AIG1: variants seen among roughly 807,000 people sequenced by gnomAD.
AIG1 encodes androgen induced 1.
In AIG1, 23 loss-of-function variants were observed where a neutral mutation model predicts 31.4. The observed-to-expected ratio is 0.73, with a 90% CI of 0.53 to 1.04. The LOEUF (loss-of-function observed/expected upper bound fraction) is 1.04, where lower values mean the gene tolerates loss of function less well. AIG1 is among the 50% of genes least tolerant of loss of function. The pLI, the probability that AIG1 is intolerant of heterozygous loss-of-function variation, is 0.00. For synonymous variants in AIG1, 100 were observed against 110.5 expected, an observed-to-expected ratio of 0.90 and a Z score of 0.60; for missense variants, 274 against 295.0, an observed-to-expected ratio of 0.93 and a Z score of 0.52.
intron 3 of AIG1, among the ~76,000 whole-genome samples, chr6:143,244,301 A>C (rs1794459651): frequency 6.6e-6 from 1 of 152,136 alleles, no homozygotes. Context: ...AATGGCATGG[A>C]CTTTGCAGGT....
chr6:143,140,003 G>C (rs554084220), intron 2 of AIG1, among the ~76,000 whole-genome samples: 8 of 152,280 alleles, frequency 5.3e-5, no homozygotes, highest in Admixed American at 3.9e-4. Flanking sequence ...CCCGAGACTT[G>C]AGTAATTTAT....
At chr6:143,109,334 G>A (rs764611569) in intron 1 of AIG1, among the ~76,000 whole-genome samples, 1 of 152,052 alleles carries the variant, frequency 6.6e-6, no homozygotes. Context: ...TTCTATGAAC[G>A]TGCTTATACA....
At chr6:143,182,023 C>CT (rs1433888345) in intron 3 of AIG1, among the ~76,000 whole-genome samples, 3 of 149,184 alleles carry the variant, frequency 2.0e-5, no homozygotes, top group African/African-American at 5.0e-5. Flanking sequence ...CTTTTTTTTT[C>CT]TTTTTTTTCT....
intron 3 of AIG1, chr6:143,190,489 C>A (rs1789692527): frequency 2.0e-6 from 2 of 985,178 alleles, no homozygotes; most frequent in Non-Finnish European, 2.4e-6. Flanking sequence ...CAGACAATAT[C>A]TTCACTTTTA....
At position 143,328,995 on chromosome 6, in the gene AIG1, A is replaced by G. The variant is rs566075183; in HGVS notation, c.516-4287A>G. On this transcript the variant is annotated intron_variant, in intron 4 of 5. Coordinates refer to ENST00000357847, the MANE Select transcript of AIG1 (RefSeq NM_016108.4). This position sits in a 1 kb window ranked among gnomAD's most constrained non-coding sequence, Gnocchi z 4.0. Reference sequence around the variant, plus strand: ...ACTCTCCAGATAGATGGGCAAGGCCATGAGTCATCTTTGTGCAGAGAATTG... The same window carrying G: ...ACTCTCCAGATAGATGGGCAAGGCCGTGAGTCATCTTTGTGCAGAGAATTG... 8.5e-5 allele frequency among the ~76,000 whole-genome samples: 13 copies of G among 152,362 alleles called. No homozygotes were observed. The East Asian group carries it at 2.1e-3, about 25-fold the overall frequency.
intron 3 of AIG1, among the ~76,000 whole-genome samples, chr6:143,176,032 G>A (rs1788119924): frequency 6.6e-6 from 1 of 152,190 alleles, no homozygotes; most frequent in Non-Finnish European, 1.5e-5. Context: ...CTTCCCCTAA[G>A]GAGGGGGCTT....
chr6:143,313,105 C>T lies in AIG1; in HGVS notation c.516-20177C>T, dbSNP rs551365016. 4.6e-5 allele frequency among the ~76,000 whole-genome samples: 7 copies of T among 152,034 alleles called. No homozygotes were observed. In the East Asian group the frequency reaches 7.7e-4, roughly 17 times the overall value. ...AAGGGAACCCTTGTCCACTGTTGGTCGGAATGTAAATTAGTACAGCCACTA... is the reference window on the plus strand; with the variant it reads ...AAGGGAACCCTTGTCCACTGTTGGTTGGAATGTAAATTAGTACAGCCACTA... On this transcript the variant is annotated intron_variant, in intron 4 of 5. Coordinates refer to ENST00000357847, the MANE Select transcript of AIG1 (RefSeq NM_016108.4).
At chr6:143,130,105 A>G (rs1783077242) in intron 1 of AIG1, among the ~76,000 whole-genome samples, 1 of 151,614 alleles carries the variant, frequency 6.6e-6, no homozygotes, top group Non-Finnish European at 1.5e-5. Context: ...TAATTTTTGC[A>G]CTTTTAATAG....
intron 1 of AIG1, among the ~76,000 whole-genome samples, chr6:143,128,404 T>TTTG (rs145906548): frequency 0.022 from 3,284 of 152,200 alleles, 105 homozygotes; most frequent in African/African-American, 0.064. Context: ...TCCTGGGATT[T>TTTG]TTGTTGTTGT....
In AIG1 at chr6:143,293,328, G is replaced by C. The variant is rs1297642259; in HGVS notation, c.515+9103G>C. Among the ~76,000 whole-genome samples the C allele has an allele frequency of 6.6e-6, 1 of 152,124 alleles. No homozygotes were observed. Among genetic ancestry groups the C allele is most frequent in the Non-Finnish European group, 1.5e-5 (1 of 68,030 alleles). On this transcript the variant is annotated intron_variant, in intron 4 of 5. Transcript: ENST00000357847. This position sits in a 1 kb window ranked among gnomAD's most constrained non-coding sequence, Gnocchi z 4.8. Reference sequence around the variant, plus strand: ...TATTGAGAAAGTTAAAGAGTTTTCTGAAATTTTCTTATGGTTCATATATTA... The same window carrying C: ...TATTGAGAAAGTTAAAGAGTTTTCTCAAATTTTCTTATGGTTCATATATTA...
At chr6:143,337,646 G>A (rs1017798433) in intron 5 of AIG1, among the ~76,000 whole-genome samples, 2 of 152,204 alleles carry the variant, frequency 1.3e-5, no homozygotes, top group Non-Finnish European at 2.9e-5. Context: ...TGAGGACAGA[G>A]AAAGTAGGCA....
chr6:143,311,587 G>T (rs1217420750), intron 4 of AIG1, among the ~76,000 whole-genome samples: 1 of 151,632 alleles, frequency 6.6e-6, no homozygotes, highest in Non-Finnish European at 1.5e-5. Flanking sequence ...TGCACAAGAA[G>T]AATTTGATAA....
At chr6:143,087,832 AG>A (rs1488679019) in intron 1 of AIG1, among the ~76,000 whole-genome samples, 1 of 152,222 alleles carries the variant, frequency 6.6e-6, no homozygotes, top group Non-Finnish European at 1.5e-5. Flanking sequence ...TTCTCGCTAT[AG>A]AATGGGATAG....
intron 1 of AIG1, among the ~76,000 whole-genome samples, chr6:143,095,106 A>C (rs1353160461): frequency 6.6e-6 from 1 of 152,174 alleles, no homozygotes; most frequent in Non-Finnish European, 1.5e-5. Flanking sequence ...TAAAATTGAT[A>C]CTGTGGGAAA....
intron 1 of AIG1, among the ~76,000 whole-genome samples, chr6:143,101,432 A>G (rs1416539607): frequency 6.6e-6 from 1 of 152,058 alleles, no homozygotes; most frequent in Non-Finnish European, 1.5e-5. Context: ...GGAAAGAGGG[A>G]TAAGTTGGAA....
At chr6:143,215,285 A>C (rs1214396642) in intron 3 of AIG1, among the ~76,000 whole-genome samples, 1 of 152,166 alleles carries the variant, frequency 6.6e-6, no homozygotes, top group Non-Finnish European at 1.5e-5. Flanking sequence ...ATGAGCTGTG[A>C]ATCCTGATAC....
In AIG1 at chr6:143,171,410, G is replaced by GTA. The variant is rs1482761424; in HGVS notation, c.399+6238_399+6239dup. ...GGCTGCGTAGTATTCAATAGTGTGT[G>GTA]TATATATATATAATATATATAATAT... On this transcript the variant is annotated intron_variant, in intron 3 of 5. Coordinates refer to ENST00000357847, the MANE Select transcript of AIG1 (RefSeq NM_016108.4). Among the ~76,000 whole-genome samples, 29 of 120,576 alleles carry GTA rather than the reference G, an allele frequency of 2.4e-4. 1 individual carries two copies. Among genetic ancestry groups the GTA allele is most frequent in the South Asian group, 8.0e-4 (3 of 3,734 alleles). The allele number at this position is 120,576 out of a possible 152,430, so 79.1% of individuals were successfully genotyped here.
chr6:143,211,354 C>T (rs1791573712), intron 3 of AIG1, among the ~76,000 whole-genome samples: 1 of 152,102 alleles, frequency 6.6e-6, no homozygotes, highest in South Asian at 2.1e-4. Flanking sequence ...ATAAGAATTG[C>T]ATTGATGTGT....
chr6:143,113,797 C>T (rs1295924599), intron 1 of AIG1, among the ~76,000 whole-genome samples: 1 of 151,084 alleles, frequency 6.6e-6, no homozygotes, highest in African/African-American at 2.4e-5. Context: ...TTTTTTGAGA[C>T]GGAGTCTCCC....
Sources: gnomAD v4.1 joint callset for allele counts (sites outside exome capture counted in the v4.1 genomes callset) on GRCh38, gnomAD v4.1.1 for gene constraint, Gnocchi (gnomAD v3.1) non-coding constraint, MANE v1.5 for transcripts, NCBI Gene and HGNC (gene_info 2026-07-23, HGNC 2026-07-21) for gene names.